The following RARB variants were observed in gnomAD, a reference collection of about 807,000 sequenced individuals.
RARB encodes retinoic acid receptor beta.
RARB carries 17 observed loss-of-function variants against 51.9 expected under a neutral mutation model. The ratio of observed to expected loss-of-function variants is 0.33; its 90% confidence interval spans 0.22 to 0.49. RARB has a LOEUF of 0.49. Among genes scored for constraint, RARB ranks in the 20% least tolerant of loss-of-function variants. The pLI is 0.99. For missense variants in RARB, 369 were observed against 550.8 expected, an observed-to-expected ratio of 0.67 and a Z score of 3.30; for synonymous variants, 215 against 195.4, an observed-to-expected ratio of 1.10 and a Z score of -0.84.
intron 5 of RARB, among the ~76,000 whole-genome samples, chr3:25,257,590 C>T (rs1702896953): frequency 6.6e-6 from 1 of 151,962 alleles, no homozygotes; most frequent in African/African-American, 2.4e-5. Flanking sequence ...TCAGTTTCAT[C>T]AGGAGATCTG....
At chr3:24,900,506 T>G (rs1703581078) in intron 2 of RARB, among the ~76,000 whole-genome samples, 1 of 152,230 alleles carries the variant, frequency 6.6e-6, no homozygotes, top group Non-Finnish European at 1.5e-5. Context: ...AATAATTGTC[T>G]GTCAAGTAAG....
intron 3 of RARB, among the ~76,000 whole-genome samples, chr3:25,065,196 T>C (rs1187105956): frequency 1.3e-5 from 2 of 152,276 alleles, no homozygotes; most frequent in East Asian, 3.9e-4. Flanking sequence ...ATTATTTTAG[T>C]TATTAAAACT....
At chr3:24,993,657 C>T (rs1308829244) in intron 2 of RARB, among the ~76,000 whole-genome samples, 2 of 152,092 alleles carry the variant, frequency 1.3e-5, no homozygotes, top group Non-Finnish European at 2.9e-5. Flanking sequence ...CTGTCCCTAT[C>T]CTTCCCTTCC....
chr3:25,475,140 T>C (rs551661868), intron 2 of RARB, among the ~76,000 whole-genome samples: 1 of 152,346 alleles, frequency 6.6e-6, no homozygotes, highest in Non-Finnish European at 1.5e-5. Flanking sequence ...AGGATTGATA[T>C]CCCAGACTTT....
At chr3:25,028,208 T>C (rs1697792259) in intron 2 of RARB, among the ~76,000 whole-genome samples, 1 of 152,252 alleles carries the variant, frequency 6.6e-6, no homozygotes, top group African/African-American at 2.4e-5. Flanking sequence ...TCTCAGGCCC[T>C]ACCTCAGAAC....
intron 4 of RARB, among the ~76,000 whole-genome samples, chr3:25,172,747 C>A (rs1353479611): frequency 1.3e-5 from 2 of 152,272 alleles, no homozygotes; most frequent in Admixed American, 1.3e-4. Flanking sequence ...GATGTGATAA[C>A]AAATATGTTA....
At chr3:25,004,348 G>A (rs536296602) in intron 2 of RARB, among the ~76,000 whole-genome samples, 1 of 152,240 alleles carries the variant, frequency 6.6e-6, no homozygotes, top group South Asian at 2.1e-4. Flanking sequence ...TAACAGGATA[G>A]CTGAGACTGG....
intron 1 of RARB, among the ~76,000 whole-genome samples, chr3:25,431,202 G>A (rs1708194156): frequency 6.6e-6 from 1 of 152,002 alleles, no homozygotes; most frequent in Non-Finnish European, 1.5e-5. Context: ...AGAGGAAACA[G>A]TGGGCAAAGA....
In RARB at chr3:25,330,840, T is replaced by TA. The variant is rs548475629; in HGVS notation, c.179-130346dup. On this transcript the variant is annotated intron_variant, in intron 5 of 11. Transcript: ENST00000383772. The stretch of plus-strand genomic sequence containing the variant: ...GAGGATCTACCAAGCAAATGGAAAA[T>TA]AAAAAAACAAACAAAAAAAGCAGGG... Among the ~76,000 whole-genome samples the TA allele has an allele frequency of 3.3e-3, 491 of 149,970 alleles. 2 individuals carry two copies. Among genetic ancestry groups the TA allele is most frequent in the African/African-American group, 0.011 (458 of 40,980 alleles).
chr3:25,506,465 G>T (rs1364880898), intron 3 of RARB, among the ~76,000 whole-genome samples: 1 of 151,938 alleles, frequency 6.6e-6, no homozygotes, highest in Admixed American at 6.6e-5. Flanking sequence ...AAAATTAGCT[G>T]AGAGTGATGG....
intron 5 of RARB, among the ~76,000 whole-genome samples, chr3:25,234,320 T>TGGA (rs1439974081): frequency 6.6e-6 from 1 of 152,186 alleles, no homozygotes; most frequent in Non-Finnish European, 1.5e-5. Context: ...GTCCATTTCA[T>TGGA]CTAAGTTATT....
intron 5 of RARB, among the ~76,000 whole-genome samples, chr3:25,293,673 A>G (rs1350851352): frequency 1.3e-5 from 2 of 151,348 alleles, no homozygotes; most frequent in Non-Finnish European, 2.9e-5. Flanking sequence ...TTTTCCTAAA[A>G]CCATCATCAC....
chr3:24,895,136 C>G (rs760132037), intron 2 of RARB, among the ~76,000 whole-genome samples: 1 of 152,134 alleles, frequency 6.6e-6, no homozygotes, highest in Non-Finnish European at 1.5e-5. Context: ...TCACAAGAAT[C>G]ATTTGGTCAG....
chr3:25,263,084 G>A (rs73821770), intron 5 of RARB, among the ~76,000 whole-genome samples: 1,552 of 152,238 alleles, frequency 0.01, 33 homozygotes, highest in African/African-American at 0.035. Flanking sequence ...ATTAACCTGT[G>A]CCCAGTAATT....
At chr3:25,588,055 G>A (rs59687968) in intron 5 of RARB, among the ~76,000 whole-genome samples, 1,736 of 152,266 alleles carry the variant, frequency 0.011, 29 homozygotes, top group African/African-American at 0.038. Context: ...GGTAAAGAGC[G>A]GTCTCATTCT....
At chr3:24,851,427 CAAA>C (rs1286953428) in intron 1 of RARB, among the ~76,000 whole-genome samples, 5 of 72,398 alleles carry the variant, frequency 6.9e-5, no homozygotes, top group Non-Finnish European at 9.0e-5. Flanking sequence ...GACTTTGTCT[CAAA>C]AAAAAAAAAA....
At chr3:25,107,338 T>C (rs780030214) in intron 3 of RARB, among the ~76,000 whole-genome samples, 20 of 152,224 alleles carry the variant, frequency 1.3e-4, no homozygotes, top group Non-Finnish European at 2.5e-4. Flanking sequence ...CTAGACTCAT[T>C]TGTGCCTTGT....
intron 2 of RARB, among the ~76,000 whole-genome samples, chr3:25,037,805 G>A (rs921117136): frequency 1.3e-5 from 2 of 152,132 alleles, no homozygotes; most frequent in African/African-American, 2.4e-5. Context: ...TTACAACAGG[G>A]AAGTACAAGG....
At chr3:24,966,818 CTG>C (rs1195651635) in intron 2 of RARB, among the ~76,000 whole-genome samples, 1 of 152,090 alleles carries the variant, frequency 6.6e-6, no homozygotes, top group Non-Finnish European at 1.5e-5. Flanking sequence ...CTATAGATAA[CTG>C]TAATATGTTA....
Sources: gnomAD v4.1 joint callset for allele counts (sites outside exome capture counted in the v4.1 genomes callset) on GRCh38, gnomAD v4.1.1 for gene constraint, MANE v1.5 for transcripts, NCBI Gene and HGNC (gene_info 2026-07-23, HGNC 2026-07-21) for gene names.